BRF1: variants seen among roughly 807,000 people sequenced by gnomAD.
The protein encoded by BRF1 is transcription factor IIIB 90 kDa subunit.
In BRF1, 59 loss-of-function variants were observed where a neutral mutation model predicts 81.7. That is an observed-to-expected ratio of 0.72 (90% CI 0.59 to 0.90). The LOEUF is 0.90. Among genes scored for constraint, BRF1 ranks in the 40% least tolerant of loss-of-function variants. The pLI, the probability that BRF1 is intolerant of heterozygous loss-of-function variation, is 0.00. For synonymous variants in BRF1, 491 were observed against 395.6 expected, an observed-to-expected ratio of 1.24 and a Z score of -2.86; for missense variants, 1,050 against 936.3, an observed-to-expected ratio of 1.12 and a Z score of -1.58.
chr14:105,217,505 G>A, intron 15 of BRF1, 39 bp downstream of exon 15: 1 of 1,594,274 alleles, frequency 6.3e-7, no homozygotes, highest in Non-Finnish European at 8.6e-7. Flanking sequence ...CCCGCCCTGG[G>A]CTGCTGCCCT....
intron 1 of BRF1, among the ~76,000 whole-genome samples, chr14:105,313,930 A>G (rs1267545010): frequency 6.6e-6 from 1 of 152,212 alleles, no homozygotes; most frequent in African/African-American, 2.4e-5. Context: ...TGGGTCCCCA[A>G]GTTCACTGTT....
At chr14:105,282,827 G>A (rs1566863274) in intron 2 of BRF1, among the ~76,000 whole-genome samples, 1 of 152,122 alleles carries the variant, frequency 6.6e-6, no homozygotes, top group Non-Finnish European at 1.5e-5. Context: ...CAGCTACTCG[G>A]GAGGCTGAGG....
rs1485948625 is a variant in BRF1, at chr14:105,209,839, G to A, written c.*712C>T. On this transcript the variant is annotated 3_prime_UTR_variant, in exon 18 of 18. Coordinates refer to ENST00000547530, the MANE Select transcript of BRF1 (RefSeq NM_001519.4). The stretch of plus-strand genomic sequence containing the variant: ...CCTGCCGGCAGCCGCAGGGCTCCTG[G>A]GCCCACAACTCAAGTGGCCCTGGAG... 8.0e-6 allele frequency: 4 copies of A among 499,720 alleles called. No individual in the cohort carries two copies. The highest frequency in any genetic ancestry group is 6.0e-5 in the African/African-American group (3 of 49,870). 31.0% of individuals were successfully genotyped at this position (499,720 alleles called of 1,614,324 possible). A position where few individuals can be genotyped will look rare whatever the true frequency, so the allele number is the denominator to read the frequency against.
intron 15 of BRF1, chr14:105,217,082 G>A (rs1228761196): frequency 1.0e-5 from 2 of 195,826 alleles, no homozygotes; most frequent in Middle Eastern, 2.1e-3. Context: ...AGCACATCCC[G>A]CCTTTGACGT....
intron 5 of BRF1, 76 bp from the exon 6 acceptor site, chr14:105,241,490 G>C: frequency 6.3e-7 from 1 of 1,575,964 alleles, no homozygotes; most frequent in South Asian, 1.1e-5. Flanking sequence ...GCAGCCCAGG[G>C]GTGGGGCAAC....
In BRF1 at chr14:105,241,515, C is replaced by G. The variant is rs587689721; in HGVS notation, c.545-101G>C. 133 of 1,400,618 alleles carry G rather than the reference C, an allele frequency of 9.5e-5. No individual in the cohort carries two copies. In the African/African-American group the frequency reaches 1.6e-3, roughly 17 times the overall value. The allele number at this position is 1,400,618 out of a possible 1,614,324, so 86.8% of individuals were successfully genotyped here. A position where few individuals can be genotyped will look rare whatever the true frequency, so the allele number is the denominator to read the frequency against. ...GGTGGGGCAACCTGCACTTGTCTTTCCAGGCCCCCAGGCCCCCCACCAGTT... is the reference window on the plus strand; with the variant it reads ...GGTGGGGCAACCTGCACTTGTCTTTGCAGGCCCCCAGGCCCCCCACCAGTT... On this transcript the variant is annotated intron_variant, in intron 5 of 17. Transcript: ENST00000547530.
At position 105,273,938 on chromosome 14, in the gene BRF1, T is replaced by C. The variant is rs587683602; in HGVS notation, c.266-1044A>G. Reference sequence around the variant, plus strand: ...GGTGGATTGGTAAAAGAGGAAGGCCTCTTGCAGTTGAGATACAGGAAGGCC... The same window carrying C: ...GGTGGATTGGTAAAAGAGGAAGGCCCCTTGCAGTTGAGATACAGGAAGGCC... On this transcript the variant is annotated intron_variant, in intron 2 of 17. Coordinates refer to ENST00000547530, the MANE Select transcript of BRF1 (RefSeq NM_001519.4). Among the ~76,000 whole-genome samples, 3 of 152,302 alleles carry C rather than the reference T, an allele frequency of 2.0e-5. No individual in the cohort carries two copies. The East Asian group carries it at 5.8e-4, about 29-fold the overall frequency.
intron 5 of BRF1, chr14:105,248,443 T>A: frequency 1.0e-6 from 1 of 985,214 alleles, no homozygotes; most frequent in Non-Finnish European, 1.2e-6. Context: ...CTCGCGCCGG[T>A]TGCTGGGCAG....
intron 15 of BRF1, among the ~76,000 whole-genome samples, chr14:105,215,367 C>G (rs1890946980): frequency 6.6e-6 from 1 of 152,144 alleles, no homozygotes; most frequent in African/African-American, 2.4e-5. Flanking sequence ...CAGAGAGACA[C>G]ATAGGCGTGC....
At chr14:105,308,456 T>C (rs1309386298) in intron 1 of BRF1, among the ~76,000 whole-genome samples, 3 of 148,744 alleles carry the variant, frequency 2.0e-5, no homozygotes, top group Admixed American at 6.7e-5. Context: ...TACTCCAGCC[T>C]GGGCACGACA....
rs1035124833 is a variant in BRF1, at chr14:105,241,177, C to G, written c.694+88G>C. ...CAGCTCTCAGTGCTCTGCAAACATA[C>G]GGCCCAGCCCACCAGCACTCAGGAG... On this transcript the variant is annotated intron_variant, in intron 6 of 17. Coordinates refer to ENST00000547530, the MANE Select transcript of BRF1 (RefSeq NM_001519.4). 2.6e-6 allele frequency: 4 copies of G among 1,551,086 alleles called. No homozygotes were observed. The South Asian group carries it at 4.7e-5, about 18-fold the overall frequency.
chr14:105,245,099 C>T (rs1320232866), intron 5 of BRF1, among the ~76,000 whole-genome samples: 7 of 152,166 alleles, frequency 4.6e-5, no homozygotes, highest in African/African-American at 1.7e-4. Flanking sequence ...TGGCTCACAC[C>T]TGTAATCCTA....
At chr14:105,248,573 G>GCGGGCGGGTA in intron 5 of BRF1, 2 of 272,620 alleles carry the variant, frequency 7.3e-6, no homozygotes, top group Non-Finnish European at 9.0e-6. Context: ...ACGGGCTCGG[G>GCGGGCGGGTA]CGGGCGGGCG....
At chr14:105,272,134 G>A (rs80352119) in intron 3 of BRF1, among the ~76,000 whole-genome samples, 1,145 of 112,840 alleles carry the variant, frequency 0.01, 132 homozygotes, top group Middle Eastern at 0.038. Flanking sequence ...GGGCCTCCTC[G>A]CCCACCGCCT....
At chr14:105,226,002 G>C in intron 10 of BRF1, 67 bp downstream of exon 10, 2 of 1,438,122 alleles carry the variant, frequency 1.4e-6, no homozygotes, top group South Asian at 2.4e-5. Context: ...TTCTGATCCT[G>C]AAGAGATCTG....
At chr14:105,218,495 G>T (rs1009555668) in intron 14 of BRF1, among the ~76,000 whole-genome samples, 2 of 152,142 alleles carry the variant, frequency 1.3e-5, no homozygotes, top group Non-Finnish European at 2.9e-5. Context: ...CCCCAGTCTC[G>T]CAGGCAGGGA....
intron 3 of BRF1, among the ~76,000 whole-genome samples, chr14:105,261,022 C>T (rs2816614): frequency 0.25 from 38,046 of 152,170 alleles, 5,011 homozygotes; most frequent in South Asian, 0.28. Context: ...CTCCCAGCAG[C>T]CCCTCCCTTT....
chr14:105,244,545 A>G (rs1199991334), intron 5 of BRF1, among the ~76,000 whole-genome samples: 1 of 152,118 alleles, frequency 6.6e-6, no homozygotes, highest in Middle Eastern at 3.2e-3. Flanking sequence ...ACGGTGGGCA[A>G]ACGCGGAGTG....
chr14:105,255,649 T>C (rs1485167256), intron 4 of BRF1, among the ~76,000 whole-genome samples: 1 of 152,234 alleles, frequency 6.6e-6, no homozygotes, highest in East Asian at 1.9e-4. Flanking sequence ...GCACCGTCCC[T>C]GCAGAGCCTC....
Sources: gnomAD v4.1 joint callset for allele counts (sites outside exome capture counted in the v4.1 genomes callset) on GRCh38, gnomAD v4.1.1 for gene constraint, MANE v1.5 for transcripts, NCBI Gene and HGNC (gene_info 2026-07-23, HGNC 2026-07-21) for gene names.